Variants in RXFP2 observed in about 807,000 individuals in gnomAD.
RXFP2 encodes relaxin receptor 2.
A neutral mutation model predicts 88.6 loss-of-function variants in RXFP2; 68 were observed. That is an observed-to-expected ratio of 0.77 (90% CI 0.63 to 0.94). The LOEUF (loss-of-function observed/expected upper bound fraction) is 0.94. Among genes scored for constraint, RXFP2 ranks in the 40% least tolerant of loss-of-function variants. RXFP2 has a pLI of 0.00. For synonymous variants in RXFP2, 329 were observed against 306.8 expected, an observed-to-expected ratio of 1.07 and a Z score of -0.76; for missense variants, 791 against 893.9, an observed-to-expected ratio of 0.88 and a Z score of 1.47.
Position 31,778,544 on chromosome 13 carries a change from C to T in RXFP2, c.746C>T (p.Pro249Leu). ...SMVNNYLEAL[P>L]KQMCAQMPQL... is the part of the protein sequence containing the mutation. ...GTTAATAACTACTTAGAAGCTCTTC[C>T]CAAGCAGATGTGTGCCCAAATGCCT... is the stretch of plus-strand genomic sequence containing the variant. The change falls in exon 9 of 18, where the codon CCC (proline) becomes CTC (leucine). Residue 249 changes from proline (P) to leucine (L), a missense_variant. Pro to Leu is a moderately conservative substitution (Grantham distance 98, BLOSUM62 -3). Transcript: ENST00000298386. 1 of 1,611,702 alleles carries T rather than the reference C, an allele frequency of 6.2e-7. No homozygotes were observed. The highest frequency in any genetic ancestry group is 8.5e-7 in the Non-Finnish European group (1 of 1,178,058).
chr13:31,802,618 C>T lies in RXFP2; in HGVS notation c.*213C>T, dbSNP rs989577350. ...GCACCAAAGGTTCCTCTCCTCACCC[C>T]ACATGCCTGAAAAGCACATGTGAAT... On this transcript the variant is annotated 3_prime_UTR_variant, in exon 18 of 18. Coordinates refer to ENST00000298386, the MANE Select transcript of RXFP2 (RefSeq NM_130806.5). 3 of 582,782 alleles carry T rather than the reference C, an allele frequency of 5.1e-6. No individual in the cohort carries two copies. Among genetic ancestry groups the T allele is most frequent in the South Asian group, 3.7e-5 (2 of 53,682 alleles). 36.1% of individuals were successfully genotyped at this position (582,782 alleles called of 1,614,324 possible).
At chr13:31,781,776 A>G in intron 10 of RXFP2, 34 bp downstream of exon 10, 1 of 1,509,894 alleles carries the variant, frequency 6.6e-7, no homozygotes, top group Non-Finnish European at 9.2e-7. Flanking sequence ...AAATGAGGGG[A>G]AACCCTATAT....
chr13:31,795,399 C>G (rs1265538336), intron 16 of RXFP2, among the ~76,000 whole-genome samples: 1 of 152,188 alleles, frequency 6.6e-6, no homozygotes, highest in African/African-American at 2.4e-5. Context: ...ATCCGCCCAC[C>G]TCGGTTTCCC....
At chr13:31,777,773 T>G (rs1873064280) in intron 8 of RXFP2, among the ~76,000 whole-genome samples, 1 of 152,190 alleles carries the variant, frequency 6.6e-6, no homozygotes, top group South Asian at 2.1e-4. Context: ...TGTTTATATT[T>G]TCTTAGAATC....
Position 31,802,427 on chromosome 13 carries a change from C to G in RXFP2, c.*22C>G, listed in dbSNP as rs1359356496. 3 of 1,611,388 alleles carry G rather than the reference C, an allele frequency of 1.9e-6. No individual in the cohort carries two copies. The highest frequency in any genetic ancestry group is 1.7e-5 in the Admixed American group (1 of 60,014). ...CTAGCAATCATTTTGGATCACTGGA[C>G]TTTCAGTGGACTACCTAAAACAGGG... On this transcript the variant is annotated 3_prime_UTR_variant, in exon 18 of 18. Transcript: ENST00000298386.
intron 7 of RXFP2, among the ~76,000 whole-genome samples, chr13:31,776,116 T>TTCTC (rs1223795174): frequency 6.7e-6 from 1 of 148,656 alleles, no homozygotes; most frequent in Non-Finnish European, 1.5e-5. Flanking sequence ...CTTTCTTTCT[T>TTCTC]TCTTTCTTTC....
rs188919804 is a variant in RXFP2 at position 31,758,257 on chromosome 13, G to T, written c.95-1G>T. 13 of 1,614,014 alleles carry T rather than the reference G, an allele frequency of 8.1e-6. No individual in the cohort carries two copies. In the East Asian group the frequency reaches 2.9e-4, roughly 36 times the overall value. On this transcript the variant is annotated splice_acceptor_variant, in intron 1 of 17. Coordinates refer to ENST00000298386, the MANE Select transcript of RXFP2 (RefSeq NM_130806.5). LOFTEE classifies it high-confidence loss of function. ...TTGTTTTTGCCCCTTCTTTCATGTA[G>T]ATTTTGCACTGACTCAAGGTAGCAT...
intron 1 of RXFP2, among the ~76,000 whole-genome samples, chr13:31,751,517 T>A (rs1366635393): frequency 6.6e-6 from 1 of 152,158 alleles, no homozygotes; most frequent in Non-Finnish European, 1.5e-5. Context: ...GCAGTCTATG[T>A]GGATGGTACC....
At chr13:31,781,062 T>C (rs1363804674) in intron 9 of RXFP2, among the ~76,000 whole-genome samples, 2 of 152,212 alleles carry the variant, frequency 1.3e-5, no homozygotes, top group African/African-American at 4.8e-5. Flanking sequence ...CTGTCTCTGG[T>C]GTTCAGTATG....
intron 3 of RXFP2, among the ~76,000 whole-genome samples, chr13:31,762,653 T>TAA (rs1328507382): frequency 6.6e-6 from 1 of 152,142 alleles, no homozygotes; most frequent in African/African-American, 2.4e-5. Context: ...TGTATATATA[T>TAA]AACATATATA....
intron 5 of RXFP2, among the ~76,000 whole-genome samples, chr13:31,772,021 G>A (rs1872754025): frequency 1.3e-5 from 2 of 151,800 alleles, no homozygotes; most frequent in Non-Finnish European, 2.9e-5. Context: ...TTGCTTAACT[G>A]ATCTGAATGT....
intron 9 of RXFP2, among the ~76,000 whole-genome samples, chr13:31,781,216 A>G (rs927086792): frequency 6.6e-6 from 1 of 152,216 alleles, no homozygotes; most frequent in African/African-American, 2.4e-5. Flanking sequence ...ATTCTGACAG[A>G]TCTGAGCTGG....
chr13:31,741,733 C>T (rs951812728), intron 1 of RXFP2, among the ~76,000 whole-genome samples: 3 of 152,138 alleles, frequency 2.0e-5, no homozygotes, highest in Non-Finnish European at 4.4e-5. Flanking sequence ...ATTATTATTA[C>T]GTGTGTTTTA....
intron 1 of RXFP2, among the ~76,000 whole-genome samples, chr13:31,757,724 T>A (rs1396869751): frequency 6.6e-6 from 1 of 152,226 alleles, no homozygotes; most frequent in Non-Finnish European, 1.5e-5. Flanking sequence ...ATGATTACCT[T>A]GTGGAAGTGA....
At chr13:31,782,885 C>A in intron 11 of RXFP2, 138 bp downstream of exon 11, 1 of 653,646 alleles carries the variant, frequency 1.5e-6, no homozygotes, top group Non-Finnish European at 2.8e-6. Flanking sequence ...ATTAAGAAAA[C>A]CAACATTATC....
At chr13:31,771,080 A>T (rs1872720425) in intron 5 of RXFP2, among the ~76,000 whole-genome samples, 1 of 152,342 alleles carries the variant, frequency 6.6e-6, no homozygotes, top group East Asian at 1.9e-4. Context: ...CGGAGAGGTC[A>T]CTGAATCTTG....
At chr13:31,740,430 T>G (rs1312233950) in intron 1 of RXFP2, among the ~76,000 whole-genome samples, 1 of 152,080 alleles carries the variant, frequency 6.6e-6, no homozygotes, top group Non-Finnish European at 1.5e-5. Context: ...TTGCTGGGGT[T>G]TATTATTATT....
intron 1 of RXFP2, among the ~76,000 whole-genome samples, chr13:31,746,561 C>T (rs145227687): frequency 1.3e-5 from 2 of 152,240 alleles, no homozygotes; most frequent in African/African-American, 4.8e-5. Flanking sequence ...AATTAATAAA[C>T]TCATAAGACA....
At chr13:31,745,713 A>G (rs1871381371) in intron 1 of RXFP2, among the ~76,000 whole-genome samples, 2 of 152,254 alleles carry the variant, frequency 1.3e-5, no homozygotes, top group South Asian at 4.1e-4. Context: ...GTTTTCATGA[A>G]AAAGCATAGT....
Sources: gnomAD v4.1 joint callset for allele counts (sites outside exome capture counted in the v4.1 genomes callset) on GRCh38, gnomAD v4.1.1 for gene constraint, MANE v1.5 for transcripts, NCBI Gene and HGNC (gene_info 2026-07-23, HGNC 2026-07-21) for gene names.